Variants in USP1 observed in about 807,000 individuals in gnomAD.
USP1 encodes ubiquitin carboxyl-terminal hydrolase 1.
A neutral mutation model predicts 72.2 loss-of-function variants in USP1; 18 were observed. The observed-to-expected ratio is 0.25, with a 90% CI of 0.17 to 0.37. The LOEUF (loss-of-function observed/expected upper bound fraction) is 0.37, where lower values mean the gene tolerates loss of function less well. Among genes scored for constraint, USP1 ranks in the 10% least tolerant of loss-of-function variants. The probability of loss-of-function intolerance (pLI) is 1.00; values close to 1 mark genes in which losing one functional copy is unlikely to be tolerated. For synonymous variants in USP1, 354 were observed against 303.7 expected (o/e 1.17, Z -1.72); for missense variants, 759 against 884.9 (o/e 0.86, Z 1.81).
At chr1:62,442,388 G>A (rs926841582) in intron 4 of USP1, 89 bp downstream of exon 4, 7 of 883,856 alleles carry the variant, frequency 7.9e-6, no homozygotes, top group Non-Finnish European at 1.2e-5. Flanking sequence ...GGACTGGGGG[G>A]GTGGATGACA....
chr1:62,440,721 C>T (rs1001913440), intron 2 of USP1, among the ~76,000 whole-genome samples: 4 of 152,062 alleles, frequency 2.6e-5, no homozygotes, highest in African/African-American at 9.7e-5. Flanking sequence ...TTTTGTTTAT[C>T]AGCATTCATA....
intron 1 of USP1, among the ~76,000 whole-genome samples, chr1:62,439,181 A>T (rs1284093472): frequency 6.6e-6 from 1 of 152,078 alleles, no homozygotes; most frequent in African/African-American, 2.4e-5. Context: ...ATTATAATGA[A>T]ATATTAAGTT....
chr1:62,442,181 C>T lies in USP1; in HGVS notation c.292-14C>T. The T allele has an allele frequency of 6.7e-7, 1 of 1,501,458 alleles. No individual in the cohort carries two copies. The highest frequency in any genetic ancestry group is 1.2e-5 in the South Asian group (1 of 84,434). The allele number at this position is 1,501,458 out of a possible 1,614,324, so 93.0% of individuals were successfully genotyped here. On this transcript the variant is annotated splice_polypyrimidine_tract_variant and intron_variant, in intron 3 of 8. Transcript: ENST00000339950. ...TTGTTCAGTAAACACTTAAGACAAT[C>T]TCACTTTTTATAGGTATTATATTTT...
rs1171955656 is a variant in USP1, at chr1:62,445,276, G to A, written c.1096G>A (p.Gly366Arg). 1 of 1,613,234 alleles carries A rather than the reference G, an allele frequency of 6.2e-7. No homozygotes were observed. Among genetic ancestry groups the A allele is most frequent in the Non-Finnish European group, 8.5e-7 (1 of 1,179,814 alleles). ...CSLGKITTNQ[G>R]VKGQSKENEC... is the part of the protein sequence containing the mutation. ...TCTGGGAAAAATAACAACAAACCAA[G>A]GAGTCAAAGGACAATCTAAAGAAAA... The change falls in exon 6 of 9, where the codon GGA becomes AGA. Residue 366 changes from glycine (G) to arginine (R), a missense_variant. By Grantham distance (125) the Gly-to-Arg change is moderately radical (BLOSUM62 -2). Transcript: ENST00000339950.
intron 6 of USP1, 51 bp downstream of exon 6, chr1:62,445,480 A>G: frequency 1.4e-6 from 2 of 1,437,744 alleles, no homozygotes; most frequent in Non-Finnish European, 1.8e-6. Flanking sequence ...CAGCTACAGA[A>G]TTAGAATTTT....
chr1:62,438,237 C>G (rs1190585906), intron 1 of USP1, among the ~76,000 whole-genome samples: 1 of 151,986 alleles, frequency 6.6e-6, no homozygotes, highest in East Asian at 1.9e-4. Flanking sequence ...GGTTTGAGAT[C>G]CAGTTTCTGT....
intron 6 of USP1, among the ~76,000 whole-genome samples, chr1:62,446,548 C>G (rs544223298): frequency 1.3e-5 from 2 of 152,058 alleles, no homozygotes; most frequent in African/African-American, 4.8e-5. Context: ...AACATAGGTA[C>G]AGTAAAAATA....
chr1:62,437,938 A>G lies in USP1; in HGVS notation c.-70+538A>G, dbSNP rs185523324. ...GTCATCTTATAAAGAATTTAAAACT[A>G]TTGGGACTGAGTGTTCACGCTGTCA... On this transcript the variant is annotated intron_variant, in intron 1 of 8. Transcript: ENST00000339950. 2.0e-4 allele frequency among the ~76,000 whole-genome samples: 30 copies of G among 152,322 alleles called. No individual in the cohort carries two copies. In the East Asian group the frequency reaches 4.6e-3, roughly 23 times the overall value.
rs200323735 is a variant in USP1, at chr1:62,445,310, A to T, written c.1130A>T (p.Asp377Val). The change falls in exon 6 of 9, where the codon GAT (aspartate) becomes GTT (valine). Residue 377 changes from aspartate to valine, a missense_variant. Around this residue, in one of 9 missense-constraint regions of USP1, gnomAD observed 245 missense variants for 240.7 expected, o/e 1.02. Transcript: ENST00000339950. Reference protein sequence around the residue: ...VKGQSKENECDPEEDLGKCES... With the variant: ...VKGQSKENECVPEEDLGKCES... ...GGACAATCTAAAGAAAATGAATGTG[A>T]TCCTGAAGAGGACTTGGGGAAGTGT... The T allele has an allele frequency of 3.9e-4, 636 of 1,613,648 alleles. No individual in the cohort carries two copies. Among genetic ancestry groups the T allele is most frequent in the Non-Finnish European group, 5.3e-4 (620 of 1,179,890 alleles).
rs142856640 is a variant in USP1 at position 62,442,725 on chromosome 1, C to T, written c.396+426C>T. Among the ~76,000 whole-genome samples, 376 of 152,246 alleles carry T rather than the reference C, an allele frequency of 2.5e-3. 8 individuals carry two copies. In the South Asian group the frequency reaches 0.063, roughly 26 times the overall value. ...TCTTAAAATTACAAAAAAGACCAGA[C>T]GTGGTGGCTCATGCCTGTAATCCCA... is the stretch of plus-strand genomic sequence containing the variant. On this transcript the variant is annotated intron_variant, in intron 4 of 8. Transcript: ENST00000339950.
At chr1:62,439,404 C>T (rs1645116479) in intron 1 of USP1, among the ~76,000 whole-genome samples, 2 of 152,112 alleles carry the variant, frequency 1.3e-5, no homozygotes, top group Admixed American at 6.5e-5. Context: ...AGGCTGGTCT[C>T]GAACTCCTGA....
Position 62,437,210 on chromosome 1 carries a change from C to G in USP1, c.-260C>G, listed in dbSNP as rs1645094723. Reference sequence around the variant, plus strand: ...AGTTGGTGTTGGTGCAAGACGGGAGCGAGCGGCGGTCGGGGTTCCCGCTCT... The same window carrying G: ...AGTTGGTGTTGGTGCAAGACGGGAGGGAGCGGCGGTCGGGGTTCCCGCTCT... On this transcript the variant is annotated 5_prime_UTR_variant, in exon 1 of 9. Transcript: ENST00000339950. 5.0e-6 allele frequency: 2 copies of G among 398,386 alleles called. No homozygotes were observed. Among genetic ancestry groups the G allele is most frequent in the African/African-American group, 2.1e-5 (1 of 48,608 alleles). The allele number at this position is 398,386 out of a possible 1,614,324, so 24.7% of individuals were successfully genotyped here. A position where few individuals can be genotyped will look rare whatever the true frequency, so the allele number is the denominator to read the frequency against.
chr1:62,446,948 G>A (rs1440256498), intron 6 of USP1, among the ~76,000 whole-genome samples: 2 of 152,078 alleles, frequency 1.3e-5, no homozygotes, highest in African/African-American at 2.4e-5. Flanking sequence ...CCGAGTAGCT[G>A]TGATTACAGG....
intron 8 of USP1, 127 bp downstream of exon 8, chr1:62,448,793 TAA>T (rs1645193828): frequency 1.3e-5 from 13 of 977,134 alleles, no homozygotes; most frequent in Non-Finnish European, 1.8e-5. Context: ...ATTGCTTCAG[TAA>T]AGTTTTGTTC....
chr1:62,447,576 GT>G lies in USP1; in HGVS notation c.1420+68del, dbSNP rs1645184401. ...ATTTATAATTCTTTAACAACACAAA[GT>G]TTAATAGTAGCTGGTGTAATTAGGG... is the stretch of plus-strand genomic sequence containing the variant. On this transcript the variant is annotated intron_variant, in intron 7 of 8. Transcript: ENST00000339950. The G allele has an allele frequency of 5.9e-6, 9 of 1,525,366 alleles. No homozygotes were observed. The South Asian group carries it at 1.1e-4, about 19-fold the overall frequency. The allele number at this position is 1,525,366 out of a possible 1,614,324, so 94.5% of individuals were successfully genotyped here.
chr1:62,450,944 C>T lies in USP1; in HGVS notation c.2321C>T (p.Thr774Ile), dbSNP rs1243642314. 1 of 1,604,684 alleles carries T rather than the reference C, an allele frequency of 6.2e-7. No individual in the cohort carries two copies. ...TCTCTTTCCCCTTCTACATCTCCTACTTCTACTCCTTACTTGCTATTTTAT... is the reference window on the plus strand; with the variant it reads ...TCTCTTTCCCCTTCTACATCTCCTATTTCTACTCCTTACTTGCTATTTTAT... The part of the protein sequence containing the change: ...LNSLSPSTSP[T>I]STPYLLFYKK... Residue 774 changes from threonine to isoleucine, a missense_variant, in exon 9 of 9, where the codon ACT (threonine) becomes ATT (isoleucine). Thr to Ile is a moderately conservative substitution (Grantham distance 89, BLOSUM62 -1). This residue lies in a region of USP1 where 22 missense variants were observed against 23.4 expected (regional missense o/e 0.94). Transcript: ENST00000339950.
At chr1:62,446,225 A>G (rs1297611662) in intron 6 of USP1, among the ~76,000 whole-genome samples, 2 of 152,220 alleles carry the variant, frequency 1.3e-5, no homozygotes, top group Admixed American at 1.3e-4. Context: ...AGAGCGTACT[A>G]CACAACTAGC....
At position 62,450,778 on chromosome 1, in the gene USP1, A is replaced by C. The variant is rs1645210360; in HGVS notation, c.2155A>C (p.Ser719Arg). The change falls in exon 9 of 9, where the codon AGT becomes CGT. Residue 719 changes from serine (S) to arginine (R), a missense_variant. By Grantham distance (110) the Ser-to-Arg change is moderately radical. Around this residue, in one of 9 missense-constraint regions of USP1, gnomAD observed 159 missense variants for 140.9 expected, o/e 1.13. Transcript: ENST00000339950. ...TGAATCTGATAGAAACAAGGAATCCAGTGACCAAACAGGCATTAATATTAG... is the reference window on the plus strand; with the variant it reads ...TGAATCTGATAGAAACAAGGAATCCCGTGACCAAACAGGCATTAATATTAG... ...THESDRNKES[S>R]DQTGINISGF... is the part of the protein sequence containing the mutation. 6.2e-7 allele frequency: 1 copy of C among 1,613,774 alleles called. No homozygotes were observed. Among genetic ancestry groups the C allele is most frequent in the Non-Finnish European group, 8.5e-7 (1 of 1,179,930 alleles).
intron 7 of USP1, 145 bp downstream of exon 7, chr1:62,447,656 T>G: frequency 1.2e-6 from 1 of 838,844 alleles, no homozygotes; most frequent in Non-Finnish European, 1.8e-6. Context: ...CTTATCTGGC[T>G]TCACTTATAA....
Sources: allele counts gnomAD v4.1 joint callset (sites outside exome capture counted in the v4.1 genomes callset), GRCh38; gene constraint gnomAD v4.1.1; regional missense constraint gnomAD v4.1.1; transcripts MANE v1.5; gene names NCBI Gene and HGNC (gene_info 2026-07-23, HGNC 2026-07-21).